The following RUSC2 variants were observed in gnomAD, a reference collection of about 807,000 sequenced individuals.
RUSC2 encodes RUN and SH3 domain containing 2, also known as AP-4 complex accessory subunit RUSC2.
A neutral mutation model predicts 122.2 loss-of-function variants in RUSC2; 34 were observed. The ratio of observed to expected loss-of-function variants is 0.28; its 90% CI spans 0.21 to 0.37. The LOEUF (loss-of-function observed/expected upper bound fraction) is 0.37, where lower values mean the gene tolerates loss of function less well. Ranked by LOEUF, RUSC2 falls within the 10% of genes least tolerant of loss-of-function variation. RUSC2 has a pLI of 1.00. For missense variants in RUSC2, 1,747 were observed against 1,952.4 expected (o/e 0.89, Z 1.98); for synonymous variants, 784 against 790.0 (o/e 0.99, Z 0.13).
At chr9:35,551,602 A>C (rs1024455273) in intron 2 of RUSC2, among the ~76,000 whole-genome samples, 2 of 152,186 alleles carry the variant, frequency 1.3e-5, no homozygotes, top group Non-Finnish European at 2.9e-5. Context: ...TGTTTTCTCT[A>C]TCAGATTAAG....
chr9:35,539,859 C>G (rs536143093), intron 1 of RUSC2, among the ~76,000 whole-genome samples: 1 of 152,132 alleles, frequency 6.6e-6, no homozygotes, highest in African/African-American at 2.4e-5. Context: ...TCAGGAAAAG[C>G]GTTATCAGTC....
At chr9:35,512,188 A>C (rs1260480062) in intron 1 of RUSC2, among the ~76,000 whole-genome samples, 2 of 130,044 alleles carry the variant, frequency 1.5e-5, no homozygotes, top group Admixed American at 1.6e-4. Context: ...TCTCAAAAAA[A>C]GAAAAAAAAA....
rs1210634765 is a variant in RUSC2, at chr9:35,561,116, A to G, written c.4349+19A>G. Reference sequence around the variant, plus strand: ...CTCCGTGGTAAGCCTGGGGAAACGGAAGGGCTGAGGGGGGCGGGGGGCTTT... The same window carrying G: ...CTCCGTGGTAAGCCTGGGGAAACGGGAGGGCTGAGGGGGGCGGGGGGCTTT... On this transcript the variant is annotated intron_variant, in intron 11 of 11. Transcript: ENST00000361226. The G allele has an allele frequency of 6.2e-7, 1 of 1,613,742 alleles. No homozygotes were observed. The highest frequency in any genetic ancestry group is 8.5e-7 in the Non-Finnish European group (1 of 1,179,796).
intron 1 of RUSC2, among the ~76,000 whole-genome samples, chr9:35,515,978 G>A (rs1236891228): frequency 3.8e-5 from 4 of 105,696 alleles, no homozygotes; most frequent in African/African-American, 1.1e-4. Context: ...CAGCCTGAGC[G>A]ACACAGCGAG....
At chr9:35,559,112 C>T (rs1240822098) in intron 8 of RUSC2, 114 bp from the exon 9 acceptor site, 5 of 831,964 alleles carry the variant, frequency 6.0e-6, no homozygotes, top group Non-Finnish European at 8.3e-6. Flanking sequence ...TGAAATGAAT[C>T]GTGCCATGGA....
chr9:35,546,599 C>T lies in RUSC2; in HGVS notation c.78C>T (p.Asp26=), dbSNP rs1446638007. The T allele has an allele frequency of 1.3e-6, 2 of 1,530,748 alleles. No homozygotes were observed. Among genetic ancestry groups the T allele is most frequent in the Non-Finnish European group, 1.8e-6 (2 of 1,141,790 alleles). The allele number at this position is 1,530,748 out of a possible 1,614,324, so 94.8% of individuals were successfully genotyped here. A position where few individuals can be genotyped will look rare whatever the true frequency, so the allele number is the denominator to read the frequency against. ...CCCTGGTGCACTGCCAAGTCCCAGA[C>T]AGGCAGTGCTGTGGAGGGGCAGGTG... is the stretch of plus-strand genomic sequence containing the variant. The part of the protein sequence containing the change: ...HIPLVHCQVP[D]RQCCGGAGGG... The change falls in exon 2 of 12, where the codon GAC becomes GAT. Residue 26 remains aspartate (D), a synonymous_variant. Coordinates refer to ENST00000361226, the MANE Select transcript of RUSC2 (RefSeq NM_014806.5). The surrounding 1 kb of genome is among the most constrained non-coding windows in gnomAD (Gnocchi z 4.3).
chr9:35,496,470 A>G (rs543712825), intron 1 of RUSC2, among the ~76,000 whole-genome samples: 4 of 152,294 alleles, frequency 2.6e-5, no homozygotes, highest in East Asian at 1.9e-4. Context: ...ATCCCGCTCT[A>G]TCAAGCTTGC....
chr9:35,558,183 T>A lies in RUSC2; in HGVS notation c.3061-14T>A, dbSNP rs768988273. On this transcript the variant is annotated splice_polypyrimidine_tract_variant and intron_variant, in intron 6 of 11. Coordinates refer to ENST00000361226, the MANE Select transcript of RUSC2 (RefSeq NM_014806.5). The surrounding 1 kb of genome is among the most constrained non-coding windows in gnomAD (Gnocchi z 4.3). ...CCTGAGGGGGTTTCCTGCACTTCCC[T>A]ACCACACCTACAGGCAAAGCTGGGA... The A allele has an allele frequency of 3.7e-6, 6 of 1,610,310 alleles. No individual in the cohort carries two copies. The African/African-American group carries it at 8.0e-5, about 22-fold the overall frequency.
In RUSC2 at chr9:35,561,185, G is replaced by A; in HGVS notation, c.4354G>A (p.Val1452Met). The A allele has an allele frequency of 1.9e-6, 3 of 1,614,042 alleles. No homozygotes were observed. The highest frequency in any genetic ancestry group is 2.5e-6 in the Non-Finnish European group (3 of 1,179,978). Residue 1452 changes from valine (V) to methionine (M), a missense_variant, in exon 12 of 12, where the codon GTG (valine) becomes ATG (methionine). By Grantham distance (21) the Val-to-Met change is conservative. Transcript: ENST00000361226. ...PALPSSPPCE[V>M]QALCHHLATG... ...CTCCATGTGCTGTTTCCCCAGTGAG[G>A]TGCAGGCACTGTGCCACCACCTGGC... is the stretch of plus-strand genomic sequence containing the variant.
rs375922594 is a variant in RUSC2 at position 35,543,887 on chromosome 9, C to G, written c.-92-2543C>G. Among the ~76,000 whole-genome samples the G allele has an allele frequency of 3.3e-4, 50 of 152,302 alleles. No homozygotes were observed. The South Asian group carries it at 8.9e-3, about 27-fold the overall frequency. On this transcript the variant is annotated intron_variant, in intron 1 of 11. Coordinates refer to ENST00000361226, the MANE Select transcript of RUSC2 (RefSeq NM_014806.5). ...GCTTCGATTGTGCCCAATTTTTTGGCTACTGTGAATAATGCTGTTATGAAC... is the reference window on the plus strand; with the variant it reads ...GCTTCGATTGTGCCCAATTTTTTGGGTACTGTGAATAATGCTGTTATGAAC...
At chr9:35,537,320 A>T (rs1821549494) in intron 1 of RUSC2, among the ~76,000 whole-genome samples, 1 of 152,050 alleles carries the variant, frequency 6.6e-6, no homozygotes. Context: ...ATGAAGATTC[A>T]CTCTGCCCTA....
In RUSC2 at chr9:35,560,030, C is replaced by T. The variant is rs1587872282; in HGVS notation, c.3390C>T (p.Asp1130=). ...CAGTCCCTCTCTCTTTTCCCCTAGA[C>T]ATCATCCAGACCCACTACCAGCCCT... The part of the protein sequence containing the change: ...FWFNHLYNHE[D]IIQTHYQPWG... The change falls in exon 10 of 12, where the codon GAC becomes GAT. Residue 1130 remains aspartate, a splice_region_variant and synonymous_variant. Transcript: ENST00000361226. 2 of 1,588,318 alleles carry T rather than the reference C, an allele frequency of 1.3e-6. No individual in the cohort carries two copies.
intron 1 of RUSC2, among the ~76,000 whole-genome samples, chr9:35,514,489 T>G (rs1821067460): frequency 6.6e-6 from 1 of 152,178 alleles, no homozygotes; most frequent in Non-Finnish European, 1.5e-5. Flanking sequence ...ATAAATAGAC[T>G]TCATTTGATG....
chr9:35,554,769 G>A (rs1821971824), intron 2 of RUSC2, among the ~76,000 whole-genome samples: 1 of 152,138 alleles, frequency 6.6e-6, no homozygotes, highest in South Asian at 2.1e-4. Flanking sequence ...AAGAAATAAA[G>A]TGTAAGGTGA....
intron 2 of RUSC2, among the ~76,000 whole-genome samples, chr9:35,550,585 C>T (rs893985431): frequency 1.3e-5 from 2 of 151,860 alleles, no homozygotes; most frequent in Non-Finnish European, 2.9e-5. Flanking sequence ...TAGATCATGC[C>T]ACTGCACTCC....
At chr9:35,517,527 T>C (rs911440713) in intron 1 of RUSC2, among the ~76,000 whole-genome samples, 1 of 152,232 alleles carries the variant, frequency 6.6e-6, no homozygotes, top group African/African-American at 2.4e-5. Flanking sequence ...GAATTAGCTT[T>C]GTGGCTGCTA....
chr9:35,540,348 CA>C (rs1821617302), intron 1 of RUSC2, among the ~76,000 whole-genome samples: 1 of 152,172 alleles, frequency 6.6e-6, no homozygotes, highest in Non-Finnish European at 1.5e-5. Context: ...GCCTAAGCAA[CA>C]AAGCTAGACT....
At chr9:35,522,408 C>T (rs1363991780) in intron 1 of RUSC2, among the ~76,000 whole-genome samples, 1 of 152,236 alleles carries the variant, frequency 6.6e-6, no homozygotes, top group Non-Finnish European at 1.5e-5. Context: ...GTGCATGGGG[C>T]ATTAGGCCTC....
chr9:35,549,135 G>A, intron 2 of RUSC2: 1 of 985,376 alleles, frequency 1.0e-6, no homozygotes, highest in Non-Finnish European at 1.2e-6. Flanking sequence ...TCTGAACCTG[G>A]ATGATGGGAA....
Sources: gnomAD v4.1 joint callset for allele counts (sites outside exome capture counted in the v4.1 genomes callset) on GRCh38, gnomAD v4.1.1 for gene constraint, Gnocchi (gnomAD v3.1) non-coding constraint, MANE v1.5 for transcripts, NCBI Gene and HGNC (gene_info 2026-07-23, HGNC 2026-07-21) for gene names.